Variants in CDCP2 observed in about 807,000 individuals in gnomAD.
CDCP2 encodes CUB domain containing protein 2.
In CDCP2, 31 loss-of-function variants were observed where a neutral mutation model predicts 31.0. The observed-to-expected ratio is 1.00, with a 90% CI of 0.75 to 1.35. The LOEUF (loss-of-function observed/expected upper bound fraction) is 1.35, where lower values mean the gene tolerates loss of function less well. CDCP2 is among the 40% of genes most tolerant of loss of function. The probability of loss-of-function intolerance (pLI) is 0.00; values close to 1 mark genes in which losing one functional copy is unlikely to be tolerated. For missense variants in CDCP2, 443 were observed against 482.6 expected (o/e 0.92, Z 0.77); for synonymous variants, 206 against 207.9 (o/e 0.99, Z 0.08).
At chr1:54,132,801 G>A (rs1570053666), downstream of CDCP2, 1 of 396,816 alleles carries the variant, frequency 2.5e-6, no homozygotes, top group African/African-American at 2.1e-5. Flanking sequence ...CCTCATGCCA[G>A]CCCTGTGAGA....
chr1:54,141,021 A>T, intron 3 of CDCP2, 77 bp downstream of exon 3: 1 of 1,238,664 alleles, frequency 8.1e-7, no homozygotes, highest in Non-Finnish European at 1.1e-6. Context: ...GAAAGGTGTG[A>T]CCCCTGCAAG....
At chr1:54,149,893 C>T (rs11576359) in intron 1 of CDCP2, among the ~76,000 whole-genome samples, 5,291 of 152,310 alleles carry the variant, frequency 0.035, 142 homozygotes, top group Admixed American at 0.083. Context: ...TGCTACTGAC[C>T]CATTTTACAG....
At chr1:54,144,793 G>A (rs1378900897) in exon 2 of CDCP2, 2 of 1,612,312 alleles carry the variant, frequency 1.2e-6, no homozygotes, top group Admixed American at 3.3e-5. Flanking sequence ...GGTGCTGAGA[G>A]CACACCCCCA....
intron 1 of CDCP2, among the ~76,000 whole-genome samples, chr1:54,150,177 G>C (rs181687944): frequency 6.6e-6 from 1 of 152,350 alleles, no homozygotes; most frequent in East Asian, 1.9e-4. Flanking sequence ...CCAGAGTTCT[G>C]CTCAGAATGC....
chr1:54,134,732 T>TTTTTG (rs1342957225), intron 5 of CDCP2, among the ~76,000 whole-genome samples: 2 of 73,514 alleles, frequency 2.7e-5, no homozygotes, highest in East Asian at 7.7e-4. Context: ...TTTTGTTTGT[T>TTTTTG]TTTTGTTTTG....
At chr1:54,132,811 A>G (rs1659188249), downstream of CDCP2, 2 of 397,450 alleles carry the variant, frequency 5.0e-6, no homozygotes, top group Non-Finnish European at 8.9e-6. Context: ...GCCCTGTGAG[A>G]TAGCAGGGCA....
chr1:54,147,075 CAAAAAAAAAAAAAAAA>C lies in CDCP2; in HGVS notation c.80-2278_80-2263del, dbSNP rs71066904. On this transcript the variant is annotated intron_variant, in intron 1 of 5. Transcript: ENST00000530059. ...TGGGTGACAGAGCAAGACTCCATCT[CAAAAAAAAAAAAAAAA>C]AAAAAAAAAAAAAGACACAGAAACC... 4.6e-4 allele frequency among the ~76,000 whole-genome samples: 26 copies of C among 56,894 alleles called. 1 individual carries two copies. Among genetic ancestry groups the C allele is most frequent in the African/African-American group, 1.8e-3 (25 of 13,994 alleles). The allele number at this position is 56,894 out of a possible 152,430, so 37.3% of individuals were successfully genotyped here. A position where few individuals can be genotyped will look rare whatever the true frequency, so the allele number is the denominator to read the frequency against.
chr1:54,137,768 AAG>A (rs1659285543), intron 4 of CDCP2: 1 of 151,916 alleles, frequency 6.6e-6, no homozygotes, highest in Admixed American at 6.6e-5. Flanking sequence ...AGGAAAAGGA[AAG>A]AGAGCTGGCA....
At position 54,150,123 on chromosome 1, in the gene CDCP2, C is replaced by T. The variant is rs374154011; in HGVS notation, c.79+2721G>A. 6.2e-4 allele frequency among the ~76,000 whole-genome samples: 95 copies of T among 152,348 alleles called. 1 individual carries two copies. Among genetic ancestry groups the T allele is most frequent in the African/African-American group, 2.2e-3 (90 of 41,586 alleles). ...GGGAGTCTTGGGGCTCCCACCACCA[C>T]CACAGTGACTGGCCCGCAGGGTGAG... On this transcript the variant is annotated intron_variant, in intron 1 of 5. Transcript: ENST00000530059.
chr1:54,139,466 G>A, intron 4 of CDCP2: 1 of 1,423,192 alleles, frequency 7.0e-7, no homozygotes, highest in Non-Finnish European at 9.7e-7. Flanking sequence ...ACACAAGAGG[G>A]GCCAGGGGCC....
At chr1:54,152,011 A>G (rs1283369472) in intron 1 of CDCP2, among the ~76,000 whole-genome samples, 1 of 152,214 alleles carries the variant, frequency 6.6e-6, no homozygotes, top group Non-Finnish European at 1.5e-5. Flanking sequence ...TTCCCCTGCC[A>G]GAGCATGGGA....
At chr1:54,141,493 C>G in intron 2 of CDCP2, 60 bp from the exon 3 acceptor site, 1 of 1,444,710 alleles carries the variant, frequency 6.9e-7, no homozygotes, top group Non-Finnish European at 9.4e-7. Flanking sequence ...AGTTTCCTCC[C>G]TTGGGAACAA....
chr1:54,150,127 A>AC (rs1659555506), intron 1 of CDCP2, among the ~76,000 whole-genome samples: 1 of 152,160 alleles, frequency 6.6e-6, no homozygotes, highest in African/African-American at 2.4e-5. Flanking sequence ...CCACCACCAC[A>AC]GTGACTGGCC....
At chr1:54,141,463 T>C (rs1659374533) in intron 2 of CDCP2, 30 bp from the exon 3 acceptor site, 1 of 1,551,178 alleles carries the variant, frequency 6.4e-7, no homozygotes, top group African/African-American at 1.4e-5. Flanking sequence ...AGCTGACCTT[T>C]CTTTCTCCTT....
At position 54,147,949 on chromosome 1, in the gene CDCP2, C is replaced by T. The variant is rs1466494878; in HGVS notation, c.80-3136G>A. On this transcript the variant is annotated intron_variant, in intron 1 of 5. Transcript: ENST00000530059. ...ATTACTTGAGCCTGGGAGGTCAAGGCTACAGTGACCCATGGTGGAACCACT... is the reference window on the plus strand; with the variant it reads ...ATTACTTGAGCCTGGGAGGTCAAGGTTACAGTGACCCATGGTGGAACCACT... Among the ~76,000 whole-genome samples the T allele has an allele frequency of 6.6e-5, 10 of 150,794 alleles. No homozygotes were observed. In the South Asian group the frequency reaches 2.1e-3, roughly 32 times the overall value.
chr1:54,149,052 T>C (rs1040034582), intron 1 of CDCP2, among the ~76,000 whole-genome samples: 1 of 149,040 alleles, frequency 6.7e-6, no homozygotes, highest in African/African-American at 2.5e-5. Context: ...AAACTGAACA[T>C]GAATTGAGTT....
At chr1:54,148,975 AT>A (rs199954816) in intron 1 of CDCP2, among the ~76,000 whole-genome samples, 2,835 of 132,344 alleles carry the variant, frequency 0.021, 102 homozygotes, top group African/African-American at 0.049. Context: ...TAAAAAAAAA[AT>A]ATATATATAT....
chr1:54,137,684 C>T (rs4927059), intron 4 of CDCP2: 338 of 16,902 alleles, frequency 0.02, 1 homozygote, highest in South Asian at 0.048. Context: ...TGTGTGTGTG[C>T]GTGTGTGTGT....
In CDCP2 at chr1:54,145,423, C is replaced by T. The variant is rs555920499; in HGVS notation, c.80-610G>A. Among the ~76,000 whole-genome samples, 61 of 151,710 alleles carry T rather than the reference C, an allele frequency of 4.0e-4. No individual in the cohort carries two copies. The South Asian group carries it at 0.012, about 30-fold the overall frequency. Reference sequence around the variant, plus strand: ...CCTGGGCAACAGAGCGAGACTCTGTCTCAAAAAATAAATAAATAAAAAATA... The same window carrying T: ...CCTGGGCAACAGAGCGAGACTCTGTTTCAAAAAATAAATAAATAAAAAATA... On this transcript the variant is annotated intron_variant, in intron 1 of 5. Coordinates refer to ENST00000530059, the Ensembl canonical transcript of CDCP2.
Sources: allele counts gnomAD v4.1 joint callset (sites outside exome capture counted in the v4.1 genomes callset), GRCh38; gene constraint gnomAD v4.1.1; transcripts MANE v1.5; gene names NCBI Gene and HGNC (gene_info 2026-07-23, HGNC 2026-07-21).